The following GABRG3 variants were observed in gnomAD, a reference collection of about 807,000 sequenced individuals.
GABRG3 encodes gamma-aminobutyric acid receptor subunit gamma-3.
A neutral mutation model predicts 48.8 loss-of-function variants in GABRG3; 25 were observed. The ratio of observed to expected loss-of-function variants is 0.51; its 90% CI spans 0.37 to 0.72. The LOEUF (loss-of-function observed/expected upper bound fraction) is 0.72. GABRG3 is among the 30% of genes least tolerant of loss of function. The pLI is 0.00. For missense variants in GABRG3, 394 were observed against 577.9 expected (o/e 0.68, Z 3.26); for synonymous variants, 227 against 217.6 (o/e 1.04, Z -0.38).
At chr15:26,977,563 G>A (rs1322217613) in intron 2 of GABRG3, among the ~76,000 whole-genome samples, 16 of 151,952 alleles carry the variant, frequency 1.1e-4, no homozygotes, top group African/African-American at 1.7e-4. Flanking sequence ...AGAATGTCAC[G>A]TACATGGAAT....
chr15:27,450,318 A>G (rs1014971624), intron 5 of GABRG3, among the ~76,000 whole-genome samples: 1 of 152,170 alleles, frequency 6.6e-6, no homozygotes, highest in Non-Finnish European at 1.5e-5. Context: ...TCCTCAACAA[A>G]AGACTAGCCA....
chr15:27,291,334 T>C (rs1891788217), intron 3 of GABRG3, among the ~76,000 whole-genome samples: 2 of 152,206 alleles, frequency 1.3e-5, no homozygotes, highest in Admixed American at 1.3e-4. Context: ...CACTTATATT[T>C]TAAGAATGTT....
intron 3 of GABRG3, among the ~76,000 whole-genome samples, chr15:27,116,626 G>A (rs1427652190): frequency 4.6e-5 from 7 of 152,198 alleles, no homozygotes; most frequent in African/African-American, 9.7e-5. Flanking sequence ...TGGTTGCAGT[G>A]TTTGTATTTC....
chr15:27,233,753 A>G (rs920685950), intron 3 of GABRG3, among the ~76,000 whole-genome samples: 3 of 152,242 alleles, frequency 2.0e-5, no homozygotes, highest in African/African-American at 7.2e-5. Context: ...TCTACAAAAG[A>G]TACCAGACGC....
intron 3 of GABRG3, among the ~76,000 whole-genome samples, chr15:27,156,959 T>A (rs893917318): frequency 3.9e-5 from 6 of 152,204 alleles, no homozygotes; most frequent in Non-Finnish European, 7.3e-5. Flanking sequence ...TGCCTGCCTG[T>A]GACTTATGTG....
intron 5 of GABRG3, among the ~76,000 whole-genome samples, chr15:27,388,583 A>G (rs1221540664): frequency 6.6e-6 from 1 of 152,142 alleles, no homozygotes; most frequent in African/African-American, 2.4e-5. Context: ...GGTCCTTGGC[A>G]ATGTTTAGGA....
At chr15:27,203,252 T>C (rs1199106024) in intron 3 of GABRG3, among the ~76,000 whole-genome samples, 1 of 152,188 alleles carries the variant, frequency 6.6e-6, no homozygotes, top group Non-Finnish European at 1.5e-5. Flanking sequence ...TGTGTCCATG[T>C]GTACTCGATG....
intron 5 of GABRG3, among the ~76,000 whole-genome samples, chr15:27,429,561 A>C (rs1360657128): frequency 6.6e-6 from 1 of 152,218 alleles, no homozygotes; most frequent in South Asian, 2.1e-4. Context: ...AAATAAGCCC[A>C]GTATACATAT....
At chr15:27,308,750 C>G (rs1595665829) in intron 3 of GABRG3, among the ~76,000 whole-genome samples, 1 of 147,938 alleles carries the variant, frequency 6.8e-6, no homozygotes, top group Non-Finnish European at 1.5e-5. Flanking sequence ...TATATGTAAA[C>G]ATATAATGTA....
chr15:27,304,653 C>T (rs989546313), intron 3 of GABRG3, among the ~76,000 whole-genome samples: 3 of 151,950 alleles, frequency 2.0e-5, no homozygotes, highest in Non-Finnish European at 4.4e-5. Context: ...CCTTCTCTGC[C>T]TCTGATCTTA....
chr15:27,398,026 G>A (rs970990357), intron 5 of GABRG3, among the ~76,000 whole-genome samples: 12 of 151,990 alleles, frequency 7.9e-5, no homozygotes, highest in Admixed American at 2.6e-4. Context: ...GGATGGTCTC[G>A]ATCCCCTGAC....
chr15:27,185,337 A>G (rs1438640444), intron 3 of GABRG3, among the ~76,000 whole-genome samples: 1 of 151,972 alleles, frequency 6.6e-6, no homozygotes, highest in Admixed American at 6.6e-5. Context: ...GTGTTTGGAT[A>G]TTTCCCTTTT....
At chr15:27,267,961 T>A (rs372033973) in intron 3 of GABRG3, among the ~76,000 whole-genome samples, 2 of 152,198 alleles carry the variant, frequency 1.3e-5, no homozygotes, top group East Asian at 3.9e-4. Context: ...TTAAAAAAAT[T>A]GCTTCTATCC....
intron 3 of GABRG3, among the ~76,000 whole-genome samples, chr15:27,248,730 A>G (rs1377345268): frequency 6.6e-6 from 1 of 150,716 alleles, no homozygotes; most frequent in Non-Finnish European, 1.5e-5. Flanking sequence ...GATCCCAGCA[A>G]TGACCTAAAA....
intron 5 of GABRG3, among the ~76,000 whole-genome samples, chr15:27,392,974 T>C (rs911665677): frequency 1.3e-5 from 2 of 152,176 alleles, no homozygotes; most frequent in African/African-American, 4.8e-5. Context: ...TCCACACTTA[T>C]ATTCTGTTTT....
intron 2 of GABRG3, among the ~76,000 whole-genome samples, chr15:26,983,865 G>T (rs1193893536): frequency 1.2e-4 from 19 of 152,154 alleles, no homozygotes; most frequent in African/African-American, 4.6e-4. Context: ...ACTACCATTT[G>T]CTGACTCTGT....
chr15:27,527,942 C>T lies in GABRG3; in HGVS notation c.1072C>T (p.Pro358Ser), dbSNP rs1243052136. 6.3e-7 allele frequency: 1 copy of T among 1,587,064 alleles called. No individual in the cohort carries two copies. The highest frequency in any genetic ancestry group is 1.1e-5 in the South Asian group (1 of 86,982). Residue 358 changes from proline (P) to serine (S), a missense_variant, in exon 9 of 10, where the codon CCA (proline) becomes TCA (serine). Pro to Ser is a moderately conservative substitution (Grantham distance 74, BLOSUM62 -1). Coordinates refer to ENST00000615808, the MANE Select transcript of GABRG3 (RefSeq NM_033223.5). ...TTKKTTSLLHPDSSRWIPERI... is the reference protein window; with the variant it reads ...TTKKTTSLLHSDSSRWIPERI... ...TCTTCTTTTCTTGTAGTTACTACAT[C>T]CAGATTCCTCAAGATGGATTCCTGA...
chr15:27,224,198 C>A (rs1236704755), intron 3 of GABRG3, among the ~76,000 whole-genome samples: 2 of 152,228 alleles, frequency 1.3e-5, no homozygotes, highest in Non-Finnish European at 2.9e-5. Flanking sequence ...CGCATGTTTT[C>A]ATCCCCGGTG....
chr15:27,296,435 T>C (rs1315361788), intron 3 of GABRG3, among the ~76,000 whole-genome samples: 1 of 152,112 alleles, frequency 6.6e-6, no homozygotes, highest in Non-Finnish European at 1.5e-5. Context: ...TGAGTAACTT[T>C]CATTTATTCC....
Sources: gnomAD v4.1 joint callset for allele counts (sites outside exome capture counted in the v4.1 genomes callset) on GRCh38, gnomAD v4.1.1 for gene constraint, MANE v1.5 for transcripts, NCBI Gene and HGNC (gene_info 2026-07-23, HGNC 2026-07-21) for gene names.